JRK: variants seen among roughly 807,000 people sequenced by gnomAD.
JRK encodes Jrk helix-turn-helix protein, also known as jerky protein homolog.
For synonymous variants in JRK, 303 were observed against 218.1 expected (o/e 1.39, Z -3.43); for missense variants, 720 against 509.2 (o/e 1.41, Z -3.98).
rs140377223 is a variant in JRK, at chr8:142,668,991, T to A, written c.-463+941A>T. On this transcript the variant is annotated intron_variant, in intron 1 of 1. Transcript: ENST00000612905. ...CTTGCGACTGGAGAGGAAGCACTGA[T>A]CCCCAAGGCCACGTGAACACGGGAT... Among the ~76,000 whole-genome samples, 143 of 151,934 alleles carry A rather than the reference T, an allele frequency of 9.4e-4. 1 individual carries two copies. Among genetic ancestry groups the A allele is most frequent in the African/African-American group, 3.0e-3 (125 of 41,492 alleles).
At position 142,666,210 on chromosome 8, in the gene JRK, G is replaced by T; in HGVS notation, c.-152C>A. 7.2e-7 allele frequency: 1 copy of T among 1,382,618 alleles called. No homozygotes were observed. Among genetic ancestry groups the T allele is most frequent in the Non-Finnish European group, 9.9e-7 (1 of 1,007,020 alleles). 85.6% of individuals were successfully genotyped at this position (1,382,618 alleles called of 1,614,324 possible). Reference sequence around the variant, plus strand: ...CTGCTGATCCTGAGCACAGGCCCCAGTCCCTCTCGGGTTTCTCACTCCACA... The same window carrying T: ...CTGCTGATCCTGAGCACAGGCCCCATTCCCTCTCGGGTTTCTCACTCCACA... On this transcript the variant is annotated 5_prime_UTR_variant, in exon 2 of 2. The change creates a new upstream start codon in the 5' untranslated region. Transcript: ENST00000612905.
Position 142,662,375 on chromosome 8 carries a change from C to G in JRK, c.*1977G>C. On this transcript the variant is annotated 3_prime_UTR_variant, in exon 2 of 2. Coordinates refer to ENST00000612905, the MANE Select transcript of JRK (RefSeq NM_003724.4). ...CAGAGCCCTCGGGACATGTTCTAAC[C>G]TCCTGTGTTGCCTCAAGCAGCTGCA... 1.0e-6 allele frequency: 1 copy of G among 985,454 alleles called. No individual in the cohort carries two copies. Among genetic ancestry groups the G allele is most frequent in the Non-Finnish European group, 1.2e-6 (1 of 829,972 alleles). 61.0% of individuals were successfully genotyped at this position (985,454 alleles called of 1,614,324 possible). A position where few individuals can be genotyped will look rare whatever the true frequency, so the allele number is the denominator to read the frequency against.
rs1296975592 is a variant in JRK at position 142,665,787 on chromosome 8, C to T, written c.272G>A (p.Arg91His). The T allele has an allele frequency of 1.0e-5, 8 of 778,312 alleles. No homozygotes were observed. The highest frequency in any genetic ancestry group is 6.8e-5 in the Admixed American group (4 of 58,826). The allele number at this position is 778,312 out of a possible 1,614,324, so 48.2% of individuals were successfully genotyped here. ...CCCCAGGAACCACTCGTACAGGACG[C>T]GGTCCAGGTGCTCCAGCTTGGGCGT... Reference protein sequence around the residue: ...LHTPKLEHLDRVLYEWFLGKR... With the variant: ...LHTPKLEHLDHVLYEWFLGKR... The change falls in exon 2 of 2, where the codon CGC (arginine) becomes CAC (histidine). Residue 91 changes from arginine (R) to histidine (H), a missense_variant. Coordinates refer to ENST00000612905, the MANE Select transcript of JRK (RefSeq NM_003724.4).
At chr8:142,653,867 C>A (rs192880653), downstream of JRK, among the ~76,000 whole-genome samples, 93 of 152,278 alleles carry the variant, frequency 6.1e-4, 1 homozygote, top group Non-Finnish European at 1.0e-3. Context: ...AAAATTCTCA[C>A]CTCTGAATTT....
chr8:142,665,375 G>A lies in JRK; in HGVS notation c.684C>T (p.His228=), dbSNP rs1253024676. 3 of 717,530 alleles carry A rather than the reference G, an allele frequency of 4.2e-6. No individual in the cohort carries two copies. The highest frequency in any genetic ancestry group is 5.4e-5 in the East Asian group (2 of 37,286). 44.4% of individuals were successfully genotyped at this position (717,530 alleles called of 1,614,324 possible). The change falls in exon 2 of 2, where the codon CAC becomes CAT. Residue 228 remains histidine, a synonymous_variant. Coordinates refer to ENST00000612905, the MANE Select transcript of JRK (RefSeq NM_003724.4). The part of the protein sequence containing the change: ...VLMCANATGS[H]RLKPLAIGKC... ...TCCCGATGGCCAAGGGCTTGAGCCT[G>A]TGGGAGCCCGTGGCGTTGGCACACA...
At chr8:142,668,408 T>A (rs2129815051) in intron 1 of JRK, among the ~76,000 whole-genome samples, 1 of 152,300 alleles carries the variant, frequency 6.6e-6, no homozygotes. Context: ...TCCTGCATTG[T>A]TCGCTGAGGG....
rs373424910 is a variant in JRK at position 142,663,058 on chromosome 8, C to T, written c.*1294G>A. On this transcript the variant is annotated 3_prime_UTR_variant, in exon 2 of 2. Transcript: ENST00000612905. ...GTCCCAGCTACTCAGGAGGCTGGGGCGGGAGGATCACTCAAGCCAGGGAGG... is the reference window on the plus strand; with the variant it reads ...GTCCCAGCTACTCAGGAGGCTGGGGTGGGAGGATCACTCAAGCCAGGGAGG... 36 of 725,958 alleles carry T rather than the reference C, an allele frequency of 5.0e-5. No individual in the cohort carries two copies. The highest frequency in any genetic ancestry group is 4.4e-4 in the African/African-American group (23 of 52,036). The allele number at this position is 725,958 out of a possible 1,614,324, so 45.0% of individuals were successfully genotyped here.
At chr8:142,669,473 G>A (rs73714657) in intron 1 of JRK, among the ~76,000 whole-genome samples, 2,153 of 152,216 alleles carry the variant, frequency 0.014, 49 homozygotes, top group African/African-American at 0.049. Context: ...CGTACCCCAG[G>A]GTCCCCGTTT....
chr8:142,647,743 A>T, the JRK span, among the ~76,000 whole-genome samples: 1 of 152,238 alleles, frequency 6.6e-6, no homozygotes, highest in Admixed American at 6.5e-5. Context: ...AATTGGTACC[A>T]GTAGAGTGGG....
Position 142,661,969 on chromosome 8 carries a change from G to A in JRK, c.*2383C>T. On this transcript the variant is annotated 3_prime_UTR_variant, in exon 2 of 2. Transcript: ENST00000612905. ...CAGCTCAGAGATGAGTACGCTCTGG[G>A]CTCCCTAAAAACCTCACTCCAGCAG... 1 of 985,560 alleles carries A rather than the reference G, an allele frequency of 1.0e-6. No individual in the cohort carries two copies. The highest frequency in any genetic ancestry group is 1.2e-6 in the Non-Finnish European group (1 of 830,044). The allele number at this position is 985,560 out of a possible 1,614,324, so 61.1% of individuals were successfully genotyped here. A position where few individuals can be genotyped will look rare whatever the true frequency, so the allele number is the denominator to read the frequency against.
Position 142,662,573 on chromosome 8 carries a change from T to C in JRK, c.*1779A>G. 1.0e-6 allele frequency: 1 copy of C among 985,466 alleles called. No homozygotes were observed. The highest frequency in any genetic ancestry group is 1.2e-6 in the Non-Finnish European group (1 of 829,936). 61.0% of individuals were successfully genotyped at this position (985,466 alleles called of 1,614,324 possible). A position where few individuals can be genotyped will look rare whatever the true frequency, so the allele number is the denominator to read the frequency against. On this transcript the variant is annotated 3_prime_UTR_variant, in exon 2 of 2. Transcript: ENST00000612905. Reference sequence around the variant, plus strand: ...GGGACTGTCGTTCAGCACCGAGATCTTTAAAAACTATTTGGCTTTTATAAT... The same window carrying C: ...GGGACTGTCGTTCAGCACCGAGATCCTTAAAAACTATTTGGCTTTTATAAT...
rs1363976998 is a variant in JRK at position 142,662,442 on chromosome 8, G to A, written c.*1910C>T. The A allele has an allele frequency of 8.2e-6, 8 of 978,230 alleles. No individual in the cohort carries two copies. Among genetic ancestry groups the A allele is most frequent in the African/African-American group, 7.2e-5 (4 of 55,814 alleles). The allele number at this position is 978,230 out of a possible 1,614,324, so 60.6% of individuals were successfully genotyped here. On this transcript the variant is annotated 3_prime_UTR_variant, in exon 2 of 2. Transcript: ENST00000612905. ...TAAGAGGCTCTATTAGGAGTGACAC[G>A]TGAGCCCAGAAATGGCACAAAGTAC...
chr8:142,654,942 C>T (rs1459903806), downstream of JRK, among the ~76,000 whole-genome samples: 1 of 152,148 alleles, frequency 6.6e-6, no homozygotes, highest in Non-Finnish European at 1.5e-5. Context: ...GCTCCTTGCC[C>T]TGCCAGCCTC....
At position 142,665,574 on chromosome 8, in the gene JRK, G is replaced by A. The variant is rs781950867; in HGVS notation, c.485C>T (p.Ala162Val). 6.8e-5 allele frequency: 49 copies of A among 718,414 alleles called. No individual in the cohort carries two copies. The highest frequency in any genetic ancestry group is 3.1e-5 in the Non-Finnish European group (12 of 385,100). The allele number at this position is 718,414 out of a possible 1,614,324, so 44.5% of individuals were successfully genotyped here. A position where few individuals can be genotyped will look rare whatever the true frequency, so the allele number is the denominator to read the frequency against. The change falls in exon 2 of 2, where the codon GCG (alanine) becomes GTG (valine). Residue 162 changes from alanine to valine, a missense_variant. Transcript: ENST00000612905. Reference protein sequence around the residue: ...SEKQSADHQAAEQFCAFFRSL... With the variant: ...SEKQSADHQAVEQFCAFFRSL... ...CCTGAAAAACGCACAGAACTGCTCC[G>A]CGGCCTGGTGGTCGGCTGACTGCTT...
the JRK span, among the ~76,000 whole-genome samples, chr8:142,648,959 G>C: frequency 5.3e-5 from 8 of 152,220 alleles, no homozygotes; most frequent in African/African-American, 1.9e-4. Context: ...CTGGATGTGA[G>C]AAATGGAGTC....
chr8:142,659,479 C>T lies in JRK; in HGVS notation c.*4873G>A. On this transcript the variant is annotated 3_prime_UTR_variant, in exon 2 of 2. Transcript: ENST00000612905. ...CAGCCAGCCTGGGTGTGGAAATGGC[C>T]GTGCTGACAGGCTCTCTGCGATAGG... The T allele has an allele frequency of 1.2e-5, 12 of 986,356 alleles. No individual in the cohort carries two copies. The highest frequency in any genetic ancestry group is 1.3e-5 in the Non-Finnish European group (11 of 830,534). The allele number at this position is 986,356 out of a possible 1,614,324, so 61.1% of individuals were successfully genotyped here.
chr8:142,652,076 G>C, the JRK span, among the ~76,000 whole-genome samples: 1 of 152,112 alleles, frequency 6.6e-6, no homozygotes, highest in East Asian at 1.9e-4. Flanking sequence ...GGAGATCAGG[G>C]ATTTTTTGGA....
At position 142,663,773 on chromosome 8, in the gene JRK, G is replaced by A. The variant is rs1587522647; in HGVS notation, c.*579C>T. ...TCTGCTGAATGAGGCCACAACTGAA[G>A]TGAGATGTGCGGCCTGTTCAGCCGC... On this transcript the variant is annotated 3_prime_UTR_variant, in exon 2 of 2. Transcript: ENST00000612905. 2.0e-6 allele frequency: 2 copies of A among 985,686 alleles called. No homozygotes were observed. The highest frequency in any genetic ancestry group is 1.1e-4 in the East Asian group (1 of 8,814). The allele number at this position is 985,686 out of a possible 1,614,324, so 61.1% of individuals were successfully genotyped here. A position where few individuals can be genotyped will look rare whatever the true frequency, so the allele number is the denominator to read the frequency against.
In JRK at chr8:142,664,738, C is replaced by A. The variant is rs782129882; in HGVS notation, c.1321G>T (p.Gly441Trp). 1.9e-6 allele frequency: 3 copies of A among 1,598,690 alleles called. No homozygotes were observed. The highest frequency in any genetic ancestry group is 4.5e-5 in the East Asian group (2 of 44,200). ...CCTTCTGCCTCCCTTCCCGCTACCCCCCAGCTGGCGGCCTGGCGCTGGCGA... is the reference window on the plus strand; with the variant it reads ...CCTTCTGCCTCCCTTCCCGCTACCCACCAGCTGGCGGCCTGGCGCTGGCGA... ...QLRQRQAASW[G>W]VAGREAEGGR... is the part of the protein sequence containing the mutation. Residue 441 changes from glycine (G) to tryptophan (W), a missense_variant, in exon 2 of 2, where the codon GGG (glycine) becomes TGG (tryptophan). Transcript: ENST00000612905.
Sources: allele counts gnomAD v4.1 joint callset (sites outside exome capture counted in the v4.1 genomes callset), GRCh38; gene constraint gnomAD v4.1.1; transcripts MANE v1.5; gene names NCBI Gene and HGNC (gene_info 2026-07-23, HGNC 2026-07-21).